Variants in AGRN observed in about 807,000 individuals in gnomAD.
AGRN encodes agrin.
AGRN carries 106 observed loss-of-function variants against 211.0 expected under a neutral mutation model. The observed-to-expected ratio is 0.50, with a 90% confidence interval of 0.43 to 0.59. AGRN has a LOEUF of 0.59. AGRN is among the 20% of genes least tolerant of loss of function. The probability of loss-of-function intolerance (pLI) is 0.00; values close to 1 mark genes in which losing one functional copy is unlikely to be tolerated. For missense variants in AGRN, 3,040 were observed against 2,982.6 expected, an observed-to-expected ratio of 1.02 and a Z score of -0.45; for synonymous variants, 1,525 against 1,332.5, an observed-to-expected ratio of 1.14 and a Z score of -3.15.
rs376944871 is a variant in AGRN, at chr1:1,054,496, C to T, written c.5925C>T (p.Thr1975=). 4.2e-4 allele frequency: 673 copies of T among 1,603,230 alleles called. 3 individuals are homozygous for T. Among genetic ancestry groups the T allele is most frequent in the Middle Eastern group, 9.2e-4 (5 of 5,440 alleles). ...AGGTGGGCAATGAGGCCCCTGTGAC[C>T]GGCTCCTCCCCGCTGGGCGCCACGC... ...SLQVGNEAPV[T]GSSPLGATQL... Residue 1975 remains threonine (T), a synonymous_variant, in exon 35 of 36, where the codon ACC becomes ACT. Transcript: ENST00000379370.
chr1:1,053,909 C>G lies in AGRN; in HGVS notation c.5808C>G (p.Ser1936=), dbSNP rs1484394285. The G allele has an allele frequency of 6.2e-7, 1 of 1,607,670 alleles. No homozygotes were observed. The highest frequency in any genetic ancestry group is 1.7e-5 in the Admixed American group (1 of 59,352). Residue 1936 remains serine, a synonymous_variant, in exon 34 of 36, where the codon TCC becomes TCG. Transcript: ENST00000379370. ...GHLQLSYNLG[S]QPVVLRSTVP... ...TGCAACTGAGCTACAACCTGGGCTC[C>G]CAGCCCGTGGTGCTGCGTTCCACCG...
intron 33 of AGRN, chr1:1,052,066 C>T (rs960440867): frequency 2.0e-6 from 3 of 1,477,430 alleles, no homozygotes; most frequent in South Asian, 2.4e-5. Context: ...ACTCCTCCAT[C>T]CTTCCTGGTG....
At position 1,046,272 on chromosome 1, in the gene AGRN, C is replaced by T. The variant is rs776770655; in HGVS notation, c.2911+7C>T. On this transcript the variant is annotated splice_region_variant and intron_variant, in intron 17 of 35. Coordinates refer to ENST00000379370, the MANE Select transcript of AGRN (RefSeq NM_198576.4). ...AGCCTGGGCCCGTGCCAGGGTGAGG[C>T]CTGACGGCCACTGCCCCAGAACTGA... 6.2e-7 allele frequency: 1 copy of T among 1,613,276 alleles called. No homozygotes were observed. The highest frequency in any genetic ancestry group is 2.2e-5 in the East Asian group (1 of 44,876).
At position 1,032,228 on chromosome 1, in the gene AGRN, G is replaced by T. The variant is rs1250022512; in HGVS notation, c.464-3049G>T. Among the ~76,000 whole-genome samples the T allele has an allele frequency of 6.6e-6, 1 of 152,180 alleles. No homozygotes were observed. Among genetic ancestry groups the T allele is most frequent in the Non-Finnish European group, 1.5e-5 (1 of 68,034 alleles). ...CCCTTGGCTGAGTTTGGATTTTCCTGCAGGGTTTCATTGGAACACCAGGTT... is the reference window on the plus strand; with the variant it reads ...CCCTTGGCTGAGTTTGGATTTTCCTTCAGGGTTTCATTGGAACACCAGGTT... On this transcript the variant is annotated intron_variant, in intron 2 of 35. Coordinates refer to ENST00000379370, the MANE Select transcript of AGRN (RefSeq NM_198576.4). The surrounding 1 kb of genome is among the most constrained non-coding windows in gnomAD (Gnocchi z 4.7).
At chr1:1,052,034 C>T in intron 33 of AGRN, 2 of 1,507,122 alleles carry the variant, frequency 1.3e-6, no homozygotes, top group Non-Finnish European at 1.8e-6. Flanking sequence ...GAGCTCGGCG[C>T]CCCCCGCTCC....
chr1:1,047,814 C>G lies in AGRN; in HGVS notation c.3670C>G (p.Leu1224Val), dbSNP rs753681540. Residue 1224 changes from leucine (L) to valine (V), a missense_variant, in exon 22 of 36, where the codon CTC (leucine) becomes GTC (valine). Transcript: ENST00000379370. The part of the protein sequence containing the change: ...FRAPDVARAL[L>V]RQIQVSRRRS... The stretch of plus-strand genomic sequence containing the variant: ...GGCACCCGACGTGGCCCGGGCCCTG[C>G]TCCGGCAGATCCAGGTGTCCAGGCG... 6.2e-7 allele frequency: 1 copy of G among 1,603,440 alleles called. No individual in the cohort carries two copies. Among genetic ancestry groups the G allele is most frequent in the Admixed American group, 1.7e-5 (1 of 58,622 alleles).
rs912845811 is a variant in AGRN, at chr1:1,032,747, C to A, written c.464-2530C>A. Reference sequence around the variant, plus strand: ...GGAGCTGGGGCTTGGGGAATGGGGTCGGTCATTGCAGGGACAGAGGAGAGG... The same window carrying A: ...GGAGCTGGGGCTTGGGGAATGGGGTAGGTCATTGCAGGGACAGAGGAGAGG... On this transcript the variant is annotated intron_variant, in intron 2 of 35. Coordinates refer to ENST00000379370, the MANE Select transcript of AGRN (RefSeq NM_198576.4). The surrounding 1 kb of genome is among the most constrained non-coding windows in gnomAD (Gnocchi z 4.7). Among the ~76,000 whole-genome samples the A allele has an allele frequency of 6.6e-6, 1 of 152,134 alleles. No homozygotes were observed. Among genetic ancestry groups the A allele is most frequent in the Admixed American group, 6.5e-5 (1 of 15,276 alleles).
Position 1,051,469 on chromosome 1 carries a change from G to A in AGRN, c.5387G>A (p.Arg1796His), listed in dbSNP as rs774881136. The change falls in exon 32 of 36, where the codon CGC (arginine) becomes CAC (histidine). Residue 1796 changes from arginine to histidine, a missense_variant. By Grantham distance (29) the Arg-to-His change is conservative. Around this residue, in one of 3 missense-constraint regions of AGRN, gnomAD observed 1,537 missense variants for 1,505.0 expected, o/e 1.02. Transcript: ENST00000379370. ...GCCCTGCAGGTCTCCCTCGGAGGCC[G>A]CCAGCTGCTGACCCCGGAGCACGTG... ...GAIQLVSLGG[R>H]QLLTPEHVLR... The A allele has an allele frequency of 2.5e-5, 39 of 1,562,812 alleles. No homozygotes were observed. The highest frequency in any genetic ancestry group is 1.9e-4 in the Middle Eastern group (1 of 5,132).
At position 1,049,594 on chromosome 1, in the gene AGRN, G is replaced by A. The variant is rs759341481; in HGVS notation, c.4543G>A (p.Gly1515Ser). 2.7e-5 allele frequency: 43 copies of A among 1,590,268 alleles called. No individual in the cohort carries two copies. The highest frequency in any genetic ancestry group is 4.6e-5 in the East Asian group (2 of 43,816). The change falls in exon 26 of 36, where the codon GGC (glycine) becomes AGC (serine). Residue 1515 changes from glycine to serine, a missense_variant. Coordinates refer to ENST00000379370, the MANE Select transcript of AGRN (RefSeq NM_198576.4). ...VALERTFVGA[G>S]LRGCIRLLDV... ...GCTGGAGCGGACCTTCGTGGGCGCC[G>A]GCCTGAGGGGGTGCATCCGTTTGCT...
chr1:1,054,622 C>A, intron 35 of AGRN, 71 bp downstream of exon 35: 9 of 1,527,522 alleles, frequency 5.9e-6, no homozygotes, highest in Non-Finnish European at 7.1e-6. Context: ...GACTCCACCC[C>A]CCAGCGCCCA....
intron 2 of AGRN, among the ~76,000 whole-genome samples, chr1:1,023,137 C>T (rs1414835776): frequency 6.6e-6 from 1 of 152,168 alleles, no homozygotes; most frequent in Non-Finnish European, 1.5e-5. Flanking sequence ...TCTGCTCCCT[C>T]ATGGCTGCCT....
Position 1,041,569 on chromosome 1 carries a change from C to T in AGRN, c.1044C>T (p.Ser348=). 6.2e-7 allele frequency: 1 copy of T among 1,610,020 alleles called. No individual in the cohort carries two copies. Among genetic ancestry groups the T allele is most frequent in the Non-Finnish European group, 8.5e-7 (1 of 1,179,356 alleles). The change falls in exon 6 of 36, where the codon AGC becomes AGT. Residue 348 remains serine (S), a synonymous_variant. Transcript: ENST00000379370. ...CTGAGATGCTCCTACGGCCCGAGAG[C>T]TGCCCTGCCCGGCAGGCGCCAGTGT... ...RRPEMLLRPE[S]CPARQAPVCG...
Position 1,043,914 on chromosome 1 carries a change from C to T in AGRN, c.1890C>T (p.Pro630=), listed in dbSNP as rs779308593. Residue 630 remains proline, a synonymous_variant, in exon 10 of 36, where the codon CCC becomes CCT. Transcript: ENST00000379370. ...GGTGTGAGCACCCCCCGCCCGGCCC[C>T]GTGTGTGGCAGCGACGGTGTCACCT... ...CPRCEHPPPG[P]VCGSDGVTYG... 42 of 1,609,746 alleles carry T rather than the reference C, an allele frequency of 2.6e-5. No individual in the cohort carries two copies. In the African/African-American group the frequency reaches 4.3e-4, roughly 16 times the overall value.
At position 1,045,453 on chromosome 1, in the gene AGRN, G is replaced by A. The variant is rs1470104070; in HGVS notation, c.2466G>A (p.Arg822=). The change falls in exon 14 of 36, where the codon AGG becomes AGA. Residue 822 remains arginine (R), a synonymous_variant. Transcript: ENST00000379370. ...CSCRPGVGGL[R]CDRCEPGFWN... is the part of the protein sequence containing the mutation. ...GCCGCCCAGGTGTGGGGGGCCTCAG[G>A]TGTGACCGCTGTGAGCCTGGCTTCT... The A allele has an allele frequency of 1.9e-6, 3 of 1,612,812 alleles. No homozygotes were observed. The highest frequency in any genetic ancestry group is 1.7e-5 in the Admixed American group (1 of 60,020).
rs749564777 is a variant in AGRN, at chr1:1,044,114, T to A, written c.2005T>A (p.Cys669Ser). The change falls in exon 11 of 36, where the codon TGC (cysteine) becomes AGC (serine). Residue 669 changes from cysteine to serine, a missense_variant. Physicochemically the swap from Cys to Ser is moderately radical, Grantham distance 112 (BLOSUM62 -1). Around this residue, in one of 3 missense-constraint regions of AGRN, gnomAD observed 1,498 missense variants for 1,457.8 expected, o/e 1.03. Transcript: ENST00000379370. ...ARAGPCEQAE[C>S]GSGGSGSGED... ...TCTGCTCCCCTTCCCCGCAGCCGAGTGCGGTTCCGGAGGCTCTGGCTCTGG... is the reference window on the plus strand; with the variant it reads ...TCTGCTCCCCTTCCCCGCAGCCGAGAGCGGTTCCGGAGGCTCTGGCTCTGG... 5 of 1,613,102 alleles carry A rather than the reference T, an allele frequency of 3.1e-6. No homozygotes were observed. Among genetic ancestry groups the A allele is most frequent in the Admixed American group, 3.3e-5 (2 of 60,004 alleles).
Position 1,041,207 on chromosome 1 carries a change from C to T in AGRN, c.762C>T (p.Ser254=), listed in dbSNP as rs1208459024. The change falls in exon 5 of 36, where the codon AGC becomes AGT. Residue 254 remains serine, a synonymous_variant. Transcript: ENST00000379370. ...ACCCCTGCTCCAACGTGACCTGCAG[C>T]TTCGGCAGCACCTGTGCGCGCTCGG... ...SRDPCSNVTC[S]FGSTCARSAD... The T allele has an allele frequency of 6.8e-7, 1 of 1,469,488 alleles. No individual in the cohort carries two copies. Among genetic ancestry groups the T allele is most frequent in the Non-Finnish European group, 9.0e-7 (1 of 1,116,360 alleles). 91.0% of individuals were successfully genotyped at this position (1,469,488 alleles called of 1,614,324 possible).
intron 24 of AGRN, 27 bp downstream of exon 24, chr1:1,049,086 G>A (rs1173918368): frequency 1.5e-6 from 2 of 1,325,276 alleles, no homozygotes; most frequent in Non-Finnish European, 2.0e-6. Flanking sequence ...CGGGGCCGGG[G>A]CAGCTCAGGT....
At position 1,043,986 on chromosome 1, in the gene AGRN, A is replaced by G. The variant is rs772499553; in HGVS notation, c.1962A>G (p.Thr654=). 3.1e-6 allele frequency: 5 copies of G among 1,606,754 alleles called. No individual in the cohort carries two copies. The highest frequency in any genetic ancestry group is 2.2e-5 in the South Asian group (2 of 90,854). The change falls in exon 10 of 36, where the codon ACA becomes ACG. Residue 654 remains threonine, a synonymous_variant. Coordinates refer to ENST00000379370, the MANE Select transcript of AGRN (RefSeq NM_198576.4). The part of the protein sequence containing the change: ...ELREAACLQQ[T]QIEEARAGPC... ...GGGAAGCCGCCTGCCTCCAGCAGAC[A>G]CAGATCGAGGAGGCCCGGGCAGGGC...
Position 1,049,316 on chromosome 1 carries a change from C to T in AGRN, c.4379C>T (p.Ser1460Phe). The change falls in exon 25 of 36, where the codon TCC becomes TTC. Residue 1460 changes from serine to phenylalanine, a missense_variant. Ser to Phe is a radical substitution (Grantham distance 155). Transcript: ENST00000379370. ...EPGQWHRLEL[S>F]RHWRRGTLSV... Reference sequence around the variant, plus strand: ...GGCCAGTGGCACCGCCTGGAGCTGTCCCGGCACTGGCGCCGGGGCACCCTC... The same window carrying T: ...GGCCAGTGGCACCGCCTGGAGCTGTTCCGGCACTGGCGCCGGGGCACCCTC... 6.3e-7 allele frequency: 1 copy of T among 1,597,570 alleles called. No homozygotes were observed. The highest frequency in any genetic ancestry group is 2.2e-5 in the East Asian group (1 of 44,784).
Sources: gnomAD v4.1 joint callset for allele counts (sites outside exome capture counted in the v4.1 genomes callset) on GRCh38, gnomAD v4.1.1 for gene constraint, gnomAD v4.1.1 regional missense constraint, Gnocchi (gnomAD v3.1) non-coding constraint, MANE v1.5 for transcripts, NCBI Gene and HGNC (gene_info 2026-07-23, HGNC 2026-07-21) for gene names.